PCNX3: variants seen among roughly 807,000 people sequenced by gnomAD.
PCNX3 encodes the protein pecanex 3.
A neutral mutation model predicts 207.2 loss-of-function variants in PCNX3; 58 were observed. That is an observed-to-expected ratio of 0.28 (90% CI 0.23 to 0.35). The LOEUF (loss-of-function observed/expected upper bound fraction) is 0.35, where lower values mean the gene tolerates loss of function less well. PCNX3 is among the 10% of genes least tolerant of loss of function. The pLI is 1.00. For missense variants in PCNX3, 2,410 were observed against 2,774.4 expected, an observed-to-expected ratio of 0.87 and a Z score of 2.95; for synonymous variants, 1,337 against 1,183.5, an observed-to-expected ratio of 1.13 and a Z score of -2.66.
chr11:65,617,323 T>A lies in PCNX3; in HGVS notation c.415T>A (p.Ser139Thr). Residue 139 changes from serine (S) to threonine (T), a missense_variant, in exon 3 of 35, where the codon TCT becomes ACT. Coordinates refer to ENST00000355703, the MANE Select transcript of PCNX3 (RefSeq NM_032223.4). ...TPPVRCSSQH[S>T]VFGFNQVSEL... ...CCCGGTGCGCTGCAGCTCCCAGCAC[T>A]CTGTGTTTGGCTTCAACCAGGTCTC... 2.5e-6 allele frequency: 4 copies of A among 1,612,830 alleles called. No homozygotes were observed. The highest frequency in any genetic ancestry group is 3.4e-6 in the Non-Finnish European group (4 of 1,179,522).
rs1855733240 is a variant in PCNX3, at chr11:65,634,238, C to G, written c.4583C>G (p.Pro1528Arg). The G allele has an allele frequency of 6.2e-7, 1 of 1,613,160 alleles. No individual in the cohort carries two copies. Among genetic ancestry groups the G allele is most frequent in the African/African-American group, 1.3e-5 (1 of 74,946 alleles). The stretch of plus-strand genomic sequence containing the variant: ...GTGCCCGGCTATGCCGACTCGGATC[C>G]CACCTTCTCGCTGAGTGTGGATGAG... ...VRVPGYADSD[P>R]TFSLSVDEDY... The change falls in exon 28 of 35, where the codon CCC becomes CGC. Residue 1528 changes from proline (P) to arginine (R), a missense_variant. Pro to Arg is a moderately radical substitution (Grantham distance 103). Transcript: ENST00000355703.
intron 11 of PCNX3, among the ~76,000 whole-genome samples, chr11:65,623,091 C>T (rs1480283832): frequency 6.6e-6 from 1 of 152,200 alleles, no homozygotes; most frequent in African/African-American, 2.4e-5. Flanking sequence ...GCCCATGTGG[C>T]TTCCCGTCCA....
intron 12 of PCNX3, 112 bp downstream of exon 12, chr11:65,623,756 G>A: frequency 1.3e-6 from 2 of 1,533,242 alleles, no homozygotes; most frequent in Non-Finnish European, 1.8e-6. Flanking sequence ...TTTGTCTAAG[G>A]TTCCCTAGAG....
In PCNX3 at chr11:65,619,415, TCA is replaced by T. The variant is rs1340994609; in HGVS notation, c.1706-121_1706-120del. 9.6e-6 allele frequency: 14 copies of T among 1,464,122 alleles called. No individual in the cohort carries two copies. The African/African-American group carries it at 1.8e-4, about 19-fold the overall frequency. 90.7% of individuals were successfully genotyped at this position (1,464,122 alleles called of 1,614,324 possible). The stretch of plus-strand genomic sequence containing the variant: ...TGGGGCTGTGTGACCTGGCTGGGCC[TCA>T]GAGCCGGGGCGTGGTTGTACTAGGC... On this transcript the variant is annotated intron_variant, in intron 6 of 34. Coordinates refer to ENST00000355703, the MANE Select transcript of PCNX3 (RefSeq NM_032223.4).
In PCNX3 at chr11:65,625,112, G is replaced by A. The variant is rs1378747757; in HGVS notation, c.2920-59G>A. The A allele has an allele frequency of 1.3e-5, 20 of 1,550,216 alleles. No homozygotes were observed. The highest frequency in any genetic ancestry group is 1.7e-5 in the Non-Finnish European group (19 of 1,136,980). On this transcript the variant is annotated intron_variant, in intron 16 of 34. Coordinates refer to ENST00000355703, the MANE Select transcript of PCNX3 (RefSeq NM_032223.4). This position sits in a 1 kb window ranked among gnomAD's most constrained non-coding sequence, Gnocchi z 5.6. ...GCTCAGCAGTGGCTTCTCACACGGGGGCAGCCCGGGCCCCATGCTTACCTC... is the reference window on the plus strand; with the variant it reads ...GCTCAGCAGTGGCTTCTCACACGGGAGCAGCCCGGGCCCCATGCTTACCTC...
intron 11 of PCNX3, among the ~76,000 whole-genome samples, chr11:65,622,900 C>T (rs1419837463): frequency 6.6e-6 from 1 of 152,202 alleles, no homozygotes; most frequent in Non-Finnish European, 1.5e-5. Context: ...CCGCGCCCGG[C>T]CATCCTATTC....
At position 65,616,894 on chromosome 11, in the gene PCNX3, A is replaced by G. The variant is rs1424041932; in HGVS notation, c.224A>G (p.Lys75Arg). The G allele has an allele frequency of 6.2e-7, 1 of 1,613,536 alleles. No homozygotes were observed. Among genetic ancestry groups the G allele is most frequent in the East Asian group, 2.2e-5 (1 of 44,902 alleles). ...LVVAVIFATI[K>R]TVNYRLHAMF... ...GTGGCTGTCATCTTTGCTACTATCA[A>G]GACTGTCAATTATCGGCTTCATGCC... The change falls in exon 2 of 35, where the codon AAG becomes AGG. Residue 75 changes from lysine (K) to arginine (R), a missense_variant. This residue lies in a region of PCNX3 where 1,104 missense variants were observed against 970.3 expected (regional missense o/e 1.14). Transcript: ENST00000355703.
rs751181490 is a variant in PCNX3 at position 65,625,446 on chromosome 11, G to A, written c.3071G>A (p.Arg1024His). The A allele has an allele frequency of 3.7e-5, 60 of 1,603,724 alleles. No homozygotes were observed. Among genetic ancestry groups the A allele is most frequent in the Non-Finnish European group, 4.7e-5 (55 of 1,178,318 alleles). The part of the protein sequence containing the change: ...RSKLFPELEE[R>H]SLETARAEPP... ...AAGCTGTTCCCTGAGCTGGAGGAGC[G>A]CAGCTTGGAGACAGCCCGGGCCGAG... The change falls in exon 18 of 35, where the codon CGC becomes CAC. Residue 1024 changes from arginine (R) to histidine (H), a missense_variant. Around this residue, in one of 8 missense-constraint regions of PCNX3, gnomAD observed 333 missense variants for 386.8 expected, o/e 0.86. Transcript: ENST00000355703. This position sits in a 1 kb window ranked among gnomAD's most constrained non-coding sequence, Gnocchi z 5.6.
rs780921794 is a variant in PCNX3, at chr11:65,625,918, C to T, written c.3243C>T (p.Phe1081=). 28 of 1,613,460 alleles carry T rather than the reference C, an allele frequency of 1.7e-5. No individual in the cohort carries two copies. The highest frequency in any genetic ancestry group is 1.4e-4 in the South Asian group (13 of 91,062). ...CCCTCCTGCAGTCGGTGCTGGGTTT[C>T]GTGTTGTACGCACTGGCTGGGGCCG... ...VFIALKSVLG[F]VLYALAGAVG... is the part of the protein sequence containing the mutation. The change falls in exon 20 of 35, where the codon TTC becomes TTT. Residue 1081 remains phenylalanine (F), a synonymous_variant. Transcript: ENST00000355703. This position sits in a 1 kb window ranked among gnomAD's most constrained non-coding sequence, Gnocchi z 5.6.
At position 65,635,340 on chromosome 11, in the gene PCNX3, C is replaced by T. The variant is rs1404763891; in HGVS notation, c.5076C>T (p.Leu1692=). 3.1e-6 allele frequency: 5 copies of T among 1,609,348 alleles called. No homozygotes were observed. Among genetic ancestry groups the T allele is most frequent in the Non-Finnish European group, 4.2e-6 (5 of 1,178,390 alleles). The change falls in exon 31 of 35, where the codon CTC becomes CTT. Residue 1692 remains leucine, a synonymous_variant. Coordinates refer to ENST00000355703, the MANE Select transcript of PCNX3 (RefSeq NM_032223.4). This position sits in a 1 kb window ranked among gnomAD's most constrained non-coding sequence, Gnocchi z 9.9. ...ACCCAGCATGGCGCAGCGCCATCCT[C>T]AGCAACACGCCCTCCCTGCTGGCGC... The part of the protein sequence containing the change: ...EGDPAWRSAI[L]SNTPSLLALR...
chr11:65,624,574 G>C lies in PCNX3; in HGVS notation c.2820G>C (p.Gly940=), dbSNP rs1364027203. 2 of 1,594,832 alleles carry C rather than the reference G, an allele frequency of 1.3e-6. No homozygotes were observed. The highest frequency in any genetic ancestry group is 2.3e-5 in the South Asian group (2 of 87,748). The change falls in exon 15 of 35, where the codon GGG becomes GGC. Residue 940 remains glycine, a synonymous_variant. Transcript: ENST00000355703. ...LLEQIDMHGF[G]GTAATSPLTA... is the part of the protein sequence containing the mutation. ...AGCAAATAGATATGCACGGCTTCGG[G>C]GGCACAGGTATGATGCCCACAGGTG...
chr11:65,621,110 T>C (rs1230143563), intron 10 of PCNX3, 144 bp downstream of exon 10: 2 of 1,102,108 alleles, frequency 1.8e-6, no homozygotes, highest in Non-Finnish European at 1.2e-6. Flanking sequence ...CCCTACTGTG[T>C]CTGTCCTGAT....
intron 10 of PCNX3, 80 bp from the exon 11 acceptor site, chr11:65,622,165 G>C: frequency 1.3e-6 from 2 of 1,504,070 alleles, no homozygotes; most frequent in East Asian, 2.5e-5. Context: ...AGACCATGTG[G>C]GGGGTGGCGG....
chr11:65,627,402 C>T lies in PCNX3; in HGVS notation c.3525-3C>T. 1 of 1,606,980 alleles carries T rather than the reference C, an allele frequency of 6.2e-7. No individual in the cohort carries two copies. The highest frequency in any genetic ancestry group is 1.1e-5 in the South Asian group (1 of 91,040). ...GCACCCGATGCCTGCCCCTTGCCCA[C>T]AGCTGCCGGGCGCTGCTGATGACCG... On this transcript the variant is annotated splice_polypyrimidine_tract_variant and splice_region_variant and intron_variant, in intron 21 of 34. Transcript: ENST00000355703.
chr11:65,618,239 C>G lies in PCNX3; in HGVS notation c.877C>G (p.Gln293Glu), dbSNP rs1312242013. The G allele has an allele frequency of 3.1e-6, 5 of 1,608,320 alleles. No individual in the cohort carries two copies. The highest frequency in any genetic ancestry group is 4.2e-6 in the Non-Finnish European group (5 of 1,177,354). Reference protein sequence around the residue: ...DRRGSGEPTPQKAGSSDSCFS... With the variant: ...DRRGSGEPTPEKAGSSDSCFS... ...GCGGGGCTCAGGGGAGCCCACGCCCCAGAAAGCCGGCTCCTCAGACTCCTG... is the reference window on the plus strand; with the variant it reads ...GCGGGGCTCAGGGGAGCCCACGCCCGAGAAAGCCGGCTCCTCAGACTCCTG... Residue 293 changes from glutamine to glutamate, a missense_variant, in exon 6 of 35, where the codon CAG becomes GAG. Around this residue, in one of 8 missense-constraint regions of PCNX3, gnomAD observed 1,104 missense variants for 970.3 expected, o/e 1.14. Coordinates refer to ENST00000355703, the MANE Select transcript of PCNX3 (RefSeq NM_032223.4).
intron 6 of PCNX3, 25 bp from the exon 7 acceptor site, chr11:65,619,512 C>A (rs751870009): frequency 1.9e-6 from 3 of 1,608,730 alleles, no homozygotes; most frequent in Admixed American, 1.7e-5. Flanking sequence ...CTGTCACTTA[C>A]ACTTGGGGGC....
chr11:65,636,567 C>G lies in PCNX3; in HGVS notation c.5770C>G (p.Pro1924Ala), dbSNP rs893334864. Residue 1924 changes from proline to alanine, a missense_variant, in exon 34 of 35, where the codon CCG becomes GCG. Around this residue, in one of 8 missense-constraint regions of PCNX3, gnomAD observed 278 missense variants for 245.1 expected, o/e 1.13. Coordinates refer to ENST00000355703, the MANE Select transcript of PCNX3 (RefSeq NM_032223.4). ...EGPRTSRPPG[P>A]GLLSSEGPSG... ...TCCCCGGACCTCACGGCCCCCTGGC[C>G]CGGGTCTCCTCAGTTCTGAGGGCCC... 4.4e-6 allele frequency: 7 copies of G among 1,596,072 alleles called. No individual in the cohort carries two copies. The African/African-American group carries it at 6.8e-5, about 15-fold the overall frequency.
chr11:65,624,072 A>T, intron 13 of PCNX3, 111 bp downstream of exon 13: 1 of 1,569,204 alleles, frequency 6.4e-7, no homozygotes, highest in South Asian at 1.1e-5. Context: ...CACCCCCATC[A>T]CCCCCACCTG....
At position 65,637,077 on chromosome 11, in the gene PCNX3, T is replaced by C; in HGVS notation, c.*99T>C. ...CAGAACTGAGTGGCTTTGGCCTACA[T>C]GTCTGAACCCTGACCTTTGGCTGCC... is the stretch of plus-strand genomic sequence containing the variant. On this transcript the variant is annotated 3_prime_UTR_variant, in exon 35 of 35. Coordinates refer to ENST00000355703, the MANE Select transcript of PCNX3 (RefSeq NM_032223.4). The C allele has an allele frequency of 7.5e-7, 1 of 1,341,128 alleles. No homozygotes were observed. The highest frequency in any genetic ancestry group is 1.4e-5 in the South Asian group (1 of 74,060). The allele number at this position is 1,341,128 out of a possible 1,614,324, so 83.1% of individuals were successfully genotyped here. A position where few individuals can be genotyped will look rare whatever the true frequency, so the allele number is the denominator to read the frequency against.
Sources: gnomAD v4.1 joint callset for allele counts (sites outside exome capture counted in the v4.1 genomes callset) on GRCh38, gnomAD v4.1.1 for gene constraint, gnomAD v4.1.1 regional missense constraint, Gnocchi (gnomAD v3.1) non-coding constraint, MANE v1.5 for transcripts, NCBI Gene and HGNC (gene_info 2026-07-23, HGNC 2026-07-21) for gene names.